Variants in PPP6C observed in about 807,000 individuals in gnomAD.
The protein encoded by PPP6C is protein phosphatase 6 catalytic subunit, also known as serine/threonine-protein phosphatase 6 catalytic subunit.
PPP6C carries 11 observed loss-of-function variants against 39.8 expected under a neutral mutation model. The ratio of observed to expected loss-of-function variants is 0.28; its 90% CI spans 0.17 to 0.46. The LOEUF is 0.46. Ranked by LOEUF, PPP6C falls within the 20% of genes least tolerant of loss-of-function variation. The pLI is 1.00. For synonymous variants in PPP6C, 129 were observed against 130.3 expected (o/e 0.99, Z 0.07); for missense variants, 211 against 373.9 (o/e 0.56, Z 3.59).
chr9:125,179,152 T>C (rs1829370013), intron 1 of PPP6C, among the ~76,000 whole-genome samples: 1 of 144,688 alleles, frequency 6.9e-6, no homozygotes, highest in Non-Finnish European at 1.5e-5. Flanking sequence ...GAGGCAGAGG[T>C]TGCGGTGAGC....
intron 1 of PPP6C, among the ~76,000 whole-genome samples, chr9:125,186,038 T>C (rs1423012522): frequency 1.3e-5 from 2 of 152,082 alleles, no homozygotes; most frequent in African/African-American, 4.8e-5. Flanking sequence ...ATTTCCAACT[T>C]AGCGAAACAG....
intron 1 of PPP6C, among the ~76,000 whole-genome samples, chr9:125,182,121 T>C (rs1375478983): frequency 3.3e-5 from 5 of 152,212 alleles, no homozygotes; most frequent in African/African-American, 4.8e-5. Context: ...TTCATAGCCA[T>C]CATTCTTAGC....
intron 2 of PPP6C, among the ~76,000 whole-genome samples, chr9:125,166,824 T>C (rs1339123628): frequency 2.0e-5 from 3 of 152,168 alleles, no homozygotes; most frequent in African/African-American, 7.2e-5. Flanking sequence ...CCACAACTAC[T>C]TTTCCTTGAG....
At chr9:125,162,496 G>A (rs1178079798) in intron 2 of PPP6C, among the ~76,000 whole-genome samples, 2 of 147,918 alleles carry the variant, frequency 1.4e-5, no homozygotes, top group Admixed American at 6.9e-5. Context: ...GTTATGGTCC[G>A]GGCACAGTGG....
intron 6 of PPP6C, among the ~76,000 whole-genome samples, chr9:125,153,217 A>C (rs1343077723): frequency 6.6e-6 from 1 of 152,120 alleles, no homozygotes; most frequent in African/African-American, 2.4e-5. Context: ...AGGTTGTTGC[A>C]GTGAGCCAAG....
chr9:125,164,580 T>C (rs989644852), intron 2 of PPP6C, among the ~76,000 whole-genome samples: 12 of 152,006 alleles, frequency 7.9e-5, no homozygotes, highest in Admixed American at 7.2e-4. Flanking sequence ...CCAAAAACAA[T>C]CTTAAGAAGT....
intron 4 of PPP6C, among the ~76,000 whole-genome samples, chr9:125,157,196 G>C (rs1836099899): frequency 6.9e-6 from 1 of 145,210 alleles, no homozygotes; most frequent in Non-Finnish European, 1.5e-5. Flanking sequence ...GGCCAGGCTG[G>C]TCTCGAACTC....
chr9:125,167,397 A>AAAAAAAAAAAAAAAC (rs1564152126), intron 2 of PPP6C, among the ~76,000 whole-genome samples: 6 of 129,634 alleles, frequency 4.6e-5, no homozygotes, highest in African/African-American at 1.5e-4. Flanking sequence ...AAAAAAAAAA[A>AAAAAAAAAAAAAAAC]AAGAAATAAA....
intron 3 of PPP6C, among the ~76,000 whole-genome samples, chr9:125,159,212 A>AT (rs746652999): frequency 0.023 from 2,236 of 96,468 alleles, 90 homozygotes; most frequent in East Asian, 0.11. Context: ...CTAATTTTGT[A>AT]TTTTTTTTTT....
At position 125,189,784 on chromosome 9, in the gene PPP6C, G is replaced by T. The variant is rs1191990649; in HGVS notation, c.-66C>A. On this transcript the variant is annotated 5_prime_UTR_variant, in exon 1 of 7. Transcript: ENST00000373547. ...TGTAGCAGCGGCGGCGGCAGCGGCG[G>T]AGGCCGAAGCCGGAACTTTCCCTGC... is the stretch of plus-strand genomic sequence containing the variant. 1 of 1,528,214 alleles carries T rather than the reference G, an allele frequency of 6.5e-7. No individual in the cohort carries two copies. The highest frequency in any genetic ancestry group is 2.1e-5 in the Admixed American group (1 of 47,016). The allele number at this position is 1,528,214 out of a possible 1,614,324, so 94.7% of individuals were successfully genotyped here.
chr9:125,154,013 T>A, intron 4 of PPP6C, 28 bp from the exon 5 acceptor site: 1 of 1,476,292 alleles, frequency 6.8e-7, no homozygotes, highest in South Asian at 1.2e-5. Flanking sequence ...GGGTTTTAAT[T>A]AATGAATCTG....
At chr9:125,151,644 T>A in intron 6 of PPP6C, 1 of 623,536 alleles carries the variant, frequency 1.6e-6, no homozygotes, top group Non-Finnish European at 2.9e-6. Context: ...CCCCTTGTTT[T>A]CCCTTGGTAT....
chr9:125,169,703 G>C (rs1283160048), intron 2 of PPP6C, among the ~76,000 whole-genome samples: 1 of 152,102 alleles, frequency 6.6e-6, no homozygotes, highest in Non-Finnish European at 1.5e-5. Flanking sequence ...CTTTATGTTA[G>C]CAAAATACAA....
At chr9:125,178,875 T>C (rs1829362590) in intron 1 of PPP6C, among the ~76,000 whole-genome samples, 1 of 152,104 alleles carries the variant, frequency 6.6e-6, no homozygotes, top group African/African-American at 2.4e-5. Flanking sequence ...ACAGCAACTT[T>C]TGTCCATTTT....
intron 1 of PPP6C, among the ~76,000 whole-genome samples, chr9:125,171,476 CACATATATATATATATAT>C (rs1402346163): frequency 2.1e-4 from 12 of 57,178 alleles, no homozygotes; most frequent in East Asian, 6.2e-4. Context: ...CACACACACA[CACATATATATATATATAT>C]ATATATATAT....
chr9:125,151,003 G>A lies in PPP6C; in HGVS notation c.670-1082C>T, dbSNP rs1054659568. The A allele has an allele frequency of 1.1e-5, 15 of 1,362,914 alleles. No homozygotes were observed. The Admixed American group carries it at 1.2e-4, about 11-fold the overall frequency. The allele number at this position is 1,362,914 out of a possible 1,614,324, so 84.4% of individuals were successfully genotyped here. ...TGCAAACATGCTATCTGTGGCAGGC[G>A]CAGATCATATTATCACCATGGACCT... On this transcript the variant is annotated intron_variant, in intron 6 of 6. Transcript: ENST00000373547.
intron 2 of PPP6C, among the ~76,000 whole-genome samples, chr9:125,164,362 G>A (rs768812902): frequency 1.3e-5 from 2 of 151,208 alleles, no homozygotes; most frequent in Non-Finnish European, 2.9e-5. Context: ...AAGTAGCTGG[G>A]ACTACAGGCA....
intron 2 of PPP6C, among the ~76,000 whole-genome samples, chr9:125,166,900 C>T (rs1440546892): frequency 6.6e-6 from 1 of 151,468 alleles, no homozygotes; most frequent in African/African-American, 2.4e-5. Context: ...ATCACACAGA[C>T]TTTTTTCTTT....
rs769106660 is a variant in PPP6C, at chr9:125,149,627, G to C, written c.*46C>G. 4 of 1,593,444 alleles carry C rather than the reference G, an allele frequency of 2.5e-6. No homozygotes were observed. The highest frequency in any genetic ancestry group is 4.5e-5 in the East Asian group (2 of 44,652). On this transcript the variant is annotated 3_prime_UTR_variant, in exon 7 of 7. Transcript: ENST00000373547. Reference sequence around the variant, plus strand: ...GTAGAGGGTAATACAAGAAAATTGGGGTAAGAAGAGGGCAGAAAAATGGGT... The same window carrying C: ...GTAGAGGGTAATACAAGAAAATTGGCGTAAGAAGAGGGCAGAAAAATGGGT...
Sources: allele counts gnomAD v4.1 joint callset (sites outside exome capture counted in the v4.1 genomes callset), GRCh38; gene constraint gnomAD v4.1.1; transcripts MANE v1.5; gene names NCBI Gene and HGNC (gene_info 2026-07-23, HGNC 2026-07-21).